The following MYB variants were observed in gnomAD, a reference collection of about 807,000 sequenced individuals.
The protein encoded by MYB is transcriptional activator Myb.
Under a neutral mutation model 92.9 loss-of-function variants are expected in MYB, and 28 were observed. The observed-to-expected ratio is 0.30, with a 90% CI of 0.22 to 0.41. The LOEUF (loss-of-function observed/expected upper bound fraction) is 0.41. MYB is among the 10% of genes least tolerant of loss of function. The pLI is 1.00. For missense variants in MYB, 679 were observed against 929.3 expected (o/e 0.73, Z 3.50); for synonymous variants, 295 against 329.1 (o/e 0.90, Z 1.12).
At chr6:135,217,836 C>T (rs1408716021) in intron 15 of MYB, 28 bp from the exon 16 acceptor site, 1 of 1,489,728 alleles carries the variant, frequency 6.7e-7, no homozygotes, top group South Asian at 1.1e-5. Context: ...TTGTCTGACG[C>T]TCCTGTTGCC....
chr6:135,211,511 C>T (rs910043972), intron 15 of MYB, among the ~76,000 whole-genome samples: 3 of 151,994 alleles, frequency 2.0e-5, no homozygotes, highest in Non-Finnish European at 2.9e-5. Flanking sequence ...AAAAATCTTC[C>T]TTGGGCAGGC....
intron 15 of MYB, among the ~76,000 whole-genome samples, chr6:135,216,730 T>A (rs1351996446): frequency 6.6e-6 from 1 of 152,238 alleles, no homozygotes; most frequent in Non-Finnish European, 1.5e-5. Flanking sequence ...TACACATTTT[T>A]AAACTCTGTT....
chr6:135,197,259 C>T lies in MYB; in HGVS notation c.1502C>T (p.Ala501Val). The change falls in exon 10 of 16, where the codon GCT becomes GTT. Residue 501 changes from alanine (A) to valine (V), a missense_variant. Around this residue, in one of 8 missense-constraint regions of MYB, gnomAD observed 402 missense variants for 434.2 expected, o/e 0.93. Transcript: ENST00000341911. ...GGAGACTGTAGCTCCTTCATATTTG[C>T]TGACGTCAGCAGTTCAACTCCCAAG... ...ATGDCSSFIF[A>V]DVSSSTPKRS... is the part of the protein sequence containing the mutation. 3 of 1,613,988 alleles carry T rather than the reference C, an allele frequency of 1.9e-6. No individual in the cohort carries two copies. Among genetic ancestry groups the T allele is most frequent in the Non-Finnish European group, 2.5e-6 (3 of 1,179,888 alleles).
intron 3 of MYB, among the ~76,000 whole-genome samples, chr6:135,189,441 C>T (rs1298816987): frequency 6.6e-6 from 1 of 152,156 alleles, no homozygotes; most frequent in African/African-American, 2.4e-5. Flanking sequence ...CCATGAAAGC[C>T]TGACAACATA....
At chr6:135,186,523 A>G (rs1217284671) in intron 2 of MYB, among the ~76,000 whole-genome samples, 1 of 152,240 alleles carries the variant, frequency 6.6e-6, no homozygotes, top group Admixed American at 6.5e-5. Context: ...TTGGACCCAA[A>G]ATAGGATATT....
rs1470128213 is a variant in MYB at position 135,195,762 on chromosome 6, A to G, written c.963A>G (p.Thr321=). The change falls in exon 9 of 16, where the codon ACA becomes ACG. Residue 321 remains threonine, a synonymous_variant. Coordinates refer to ENST00000341911, the MANE Select transcript of MYB (RefSeq NM_001130173.2). ...GQQVLPTQNH[T]CSYPGWHSTT... is the part of the protein sequence containing the mutation. ...CCCTTCCTTAGACACAGAACCACAC[A>G]TGCAGCTACCCCGGGTGGCACAGCA... 9 of 1,613,990 alleles carry G rather than the reference A, an allele frequency of 5.6e-6. No homozygotes were observed. The highest frequency in any genetic ancestry group is 7.6e-6 in the Non-Finnish European group (9 of 1,179,980).
intron 15 of MYB, among the ~76,000 whole-genome samples, chr6:135,214,417 G>T (rs1453298817): frequency 6.6e-6 from 1 of 151,812 alleles, no homozygotes; most frequent in Non-Finnish European, 1.5e-5. Context: ...TTCTTTCCTG[G>T]TTCTCACATC....
chr6:135,189,878 C>A lies in MYB; in HGVS notation c.301C>A (p.Gln101Lys). ...GGGTCCTTGGACCAAAGAAGAAGAT[C>A]AGAGAGTAAGTTCTTTCTTCATTGG... ...IKGPWTKEED[Q>K]RVIELVQKYG... The change falls in exon 4 of 16, where the codon CAG becomes AAG. Residue 101 changes from glutamine to lysine, a missense_variant. Transcript: ENST00000341911. The A allele has an allele frequency of 6.2e-7, 1 of 1,612,708 alleles. No homozygotes were observed. The highest frequency in any genetic ancestry group is 8.5e-7 in the Non-Finnish European group (1 of 1,178,916).
At chr6:135,184,281 A>C (rs1204801677) in intron 1 of MYB, among the ~76,000 whole-genome samples, 1 of 147,738 alleles carries the variant, frequency 6.8e-6, no homozygotes, top group Non-Finnish European at 1.5e-5. Context: ...TTCCCTATGA[A>C]TCTTTCAAAA....
chr6:135,183,148 C>T (rs2128280293), intron 1 of MYB, among the ~76,000 whole-genome samples: 1 of 151,886 alleles, frequency 6.6e-6, no homozygotes, highest in African/African-American at 2.4e-5. Context: ...GCGCAGGTTC[C>T]CTGAGGCTCC....
chr6:135,207,277 A>G (rs182077473), intron 15 of MYB, among the ~76,000 whole-genome samples: 13 of 152,326 alleles, frequency 8.5e-5, no homozygotes, highest in African/African-American at 3.1e-4. Context: ...GTTTTTATTA[A>G]AACAGCAAAA....
At chr6:135,202,936 T>C (rs1300201702) in intron 14 of MYB, 1 of 649,018 alleles carries the variant, frequency 1.5e-6, no homozygotes, top group Admixed American at 2.1e-5. Flanking sequence ...TATTTATTAA[T>C]TCATTTAGCA....
At chr6:135,195,295 T>TA (rs1393142075) in intron 8 of MYB, 26 of 301,502 alleles carry the variant, frequency 8.6e-5, no homozygotes, top group Middle Eastern at 2.4e-3. Context: ...TCTGTAGCAT[T>TA]AGAAAGGGAT....
At chr6:135,204,390 C>A (rs1426916389) in intron 15 of MYB, among the ~76,000 whole-genome samples, 1 of 152,128 alleles carries the variant, frequency 6.6e-6, no homozygotes, top group Non-Finnish European at 1.5e-5. Context: ...CCTCCGCCTC[C>A]CAGATTCAAG....
At chr6:135,183,686 G>T (rs1322512868) in intron 1 of MYB, among the ~76,000 whole-genome samples, 1 of 152,252 alleles carries the variant, frequency 6.6e-6, no homozygotes, top group African/African-American at 2.4e-5. Flanking sequence ...AAACTCAGGA[G>T]CTGGGCGCGT....
chr6:135,192,040 T>A (rs1468457727), intron 5 of MYB, among the ~76,000 whole-genome samples: 1 of 152,210 alleles, frequency 6.6e-6, no homozygotes. Flanking sequence ...ACATGAAGCG[T>A]TATCGTATTG....
intron 7 of MYB, 84 bp downstream of exon 7, chr6:135,194,002 A>G: frequency 1.8e-6 from 2 of 1,095,922 alleles, no homozygotes; most frequent in Non-Finnish European, 1.4e-6. Flanking sequence ...TTTTTACCTG[A>G]GCAACTAAAG....
chr6:135,187,615 A>G (rs1776092156), intron 2 of MYB, among the ~76,000 whole-genome samples: 1 of 152,352 alleles, frequency 6.6e-6, no homozygotes, highest in South Asian at 2.1e-4. Flanking sequence ...GTAAAATGGT[A>G]TACCCGCTTT....
At chr6:135,184,241 AGG>A (rs1775589672) in intron 1 of MYB, among the ~76,000 whole-genome samples, 1 of 151,344 alleles carries the variant, frequency 6.6e-6, no homozygotes, top group Non-Finnish European at 1.5e-5. Flanking sequence ...ACATTTCACA[AGG>A]GACTGCATTT....
Sources: allele counts gnomAD v4.1 joint callset (sites outside exome capture counted in the v4.1 genomes callset), GRCh38; gene constraint gnomAD v4.1.1; regional missense constraint gnomAD v4.1.1; transcripts MANE v1.5; gene names NCBI Gene and HGNC (gene_info 2026-07-23, HGNC 2026-07-21).